The following AUTS2 variants were observed in gnomAD, a reference collection of about 807,000 sequenced individuals.
AUTS2 encodes the protein activator of transcription and developmental regulator AUTS2.
In AUTS2, 17 loss-of-function variants were observed where a neutral mutation model predicts 112.4. The ratio of observed to expected loss-of-function variants is 0.15; its 90% CI spans 0.10 to 0.23. The LOEUF is 0.23. Ranked by LOEUF, AUTS2 falls within the 10% of genes least tolerant of loss-of-function variation. The pLI, the probability that AUTS2 is intolerant of heterozygous loss-of-function variation, is 1.00. For missense variants in AUTS2, 1,510 were observed against 1,701.6 expected (o/e 0.89, Z 1.98); for synonymous variants, 751 against 702.7 (o/e 1.07, Z -1.09).
chr7:70,215,926 A>G (rs190024018), intron 4 of AUTS2, among the ~76,000 whole-genome samples: 32 of 152,326 alleles, frequency 2.1e-4, no homozygotes, highest in African/African-American at 7.7e-4. Context: ...GACTTTCTCT[A>G]ATCTTTGTTT....
intron 1 of AUTS2, among the ~76,000 whole-genome samples, chr7:69,657,529 TGGAGAATGGATTTTGCC>T (rs1297330763): frequency 6.6e-6 from 1 of 152,136 alleles, no homozygotes; most frequent in Non-Finnish European, 1.5e-5. Flanking sequence ...GGCAGATCAG[TGGAGAATGGATTTTGCC>T]GGAGGTCCTG....
chr7:70,741,395 G>C (rs1273208722), intron 6 of AUTS2, among the ~76,000 whole-genome samples: 1 of 151,918 alleles, frequency 6.6e-6, no homozygotes, highest in Non-Finnish European at 1.5e-5. Context: ...ATGCTAAATG[G>C]TTAAGAAATA....
At chr7:70,141,243 G>A (rs1218827336) in intron 4 of AUTS2, among the ~76,000 whole-genome samples, 2 of 152,286 alleles carry the variant, frequency 1.3e-5, no homozygotes, top group African/African-American at 4.8e-5. Flanking sequence ...GTCAGGGAAT[G>A]TTGGTTGATT....
rs535476812 is a variant in AUTS2 at position 70,287,655 on chromosome 7, G to A, written c.661-148097G>A. Among the ~76,000 whole-genome samples the A allele has an allele frequency of 2.1e-4, 32 of 152,138 alleles. No homozygotes were observed. In the South Asian group the frequency reaches 6.2e-3, roughly 30 times the overall value. On this transcript the variant is annotated intron_variant, in intron 4 of 18. Transcript: ENST00000342771. ...CCTACAAGAGGTAGGGAGAAGGAAAGTAATATTTATCTTTAATGTTATTTT... is the reference window on the plus strand; with the variant it reads ...CCTACAAGAGGTAGGGAGAAGGAAAATAATATTTATCTTTAATGTTATTTT...
intron 12 of AUTS2, 118 bp downstream of exon 12, chr7:70,774,217 GTTC>G (rs1470946228): frequency 2.7e-5 from 25 of 911,856 alleles, no homozygotes; most frequent in East Asian, 5.1e-5. Flanking sequence ...TGTTTCAGCT[GTTC>G]TTCTAGTTTG....
intron 2 of AUTS2, among the ~76,000 whole-genome samples, chr7:69,948,203 C>T (rs1277230919): frequency 6.6e-6 from 1 of 152,162 alleles, no homozygotes; most frequent in Non-Finnish European, 1.5e-5. Flanking sequence ...AGTGGATAAG[C>T]AAGTGGAGTG....
intron 4 of AUTS2, among the ~76,000 whole-genome samples, chr7:70,284,074 T>C (rs1788347178): frequency 6.6e-6 from 1 of 152,222 alleles, no homozygotes; most frequent in Non-Finnish European, 1.5e-5. Context: ...TAAAATTTAC[T>C]ATATGATCAT....
chr7:70,015,691 A>G (rs1799995692), intron 2 of AUTS2, among the ~76,000 whole-genome samples: 1 of 152,230 alleles, frequency 6.6e-6, no homozygotes, highest in Non-Finnish European at 1.5e-5. Context: ...TCATTCTTGA[A>G]TGAATTATCT....
At chr7:70,107,405 G>T (rs115038929) in intron 2 of AUTS2, among the ~76,000 whole-genome samples, 36 of 140,826 alleles carry the variant, frequency 2.6e-4, no homozygotes, top group African/African-American at 9.3e-4. Flanking sequence ...GTTCAGTAGC[G>T]TGATCTCGGT....
chr7:70,756,117 T>C (rs1290746517), intron 6 of AUTS2, among the ~76,000 whole-genome samples: 1 of 152,230 alleles, frequency 6.6e-6, no homozygotes, highest in Non-Finnish European at 1.5e-5. Context: ...CTCTTTTCTG[T>C]GCATACTTGT....
chr7:70,346,480 A>G (rs939837719), intron 4 of AUTS2, among the ~76,000 whole-genome samples: 19 of 152,142 alleles, frequency 1.2e-4, no homozygotes, highest in African/African-American at 3.6e-4. Context: ...CATTGTGGCT[A>G]GTTTCTCATT....
intron 5 of AUTS2, among the ~76,000 whole-genome samples, chr7:70,598,232 T>G (rs190488336): frequency 5.9e-5 from 9 of 152,302 alleles, no homozygotes; most frequent in Admixed American, 5.2e-4. Context: ...TAGTCCTGTT[T>G]TGTCATTGCT....
At chr7:70,301,419 A>T (rs1248401030) in intron 4 of AUTS2, among the ~76,000 whole-genome samples, 1 of 152,118 alleles carries the variant, frequency 6.6e-6, no homozygotes, top group African/African-American at 2.4e-5. Flanking sequence ...GTATGTGTGG[A>T]TCTTTTTTAT....
intron 4 of AUTS2, among the ~76,000 whole-genome samples, chr7:70,156,581 A>G (rs142765537): frequency 6.6e-6 from 1 of 152,230 alleles, no homozygotes; most frequent in East Asian, 1.9e-4. Flanking sequence ...TGACAGTTCC[A>G]TAACCTATCC....
chr7:70,124,887 C>T lies in AUTS2; in HGVS notation c.624+6654C>T, dbSNP rs1805881920. 2.6e-5 allele frequency among the ~76,000 whole-genome samples: 4 copies of T among 152,164 alleles called. No individual in the cohort carries two copies. In the South Asian group the frequency reaches 8.3e-4, roughly 32 times the overall value. ...AGCTTCAGTCTTCTTTAATGCCTAT[C>T]AGAGAGTGAAAAGGTAGAGTCAAAG... On this transcript the variant is annotated intron_variant, in intron 3 of 18. Transcript: ENST00000342771.
intron 2 of AUTS2, among the ~76,000 whole-genome samples, chr7:70,021,368 C>T (rs991532557): frequency 5.9e-5 from 9 of 152,180 alleles, no homozygotes; most frequent in East Asian, 1.9e-4. Flanking sequence ...ATTAGTCTGC[C>T]GGTAATCCTG....
intron 4 of AUTS2, among the ~76,000 whole-genome samples, chr7:70,345,041 T>C (rs1173283427): frequency 1.3e-5 from 2 of 152,218 alleles, no homozygotes. Context: ...AAGCCCTCTG[T>C]ATAATAAGCT....
chr7:69,850,795 C>G (rs1792443840), intron 1 of AUTS2, among the ~76,000 whole-genome samples: 1 of 152,124 alleles, frequency 6.6e-6, no homozygotes, highest in Non-Finnish European at 1.5e-5. Context: ...CAGTCTGGAG[C>G]TTGGCTTTTC....
At chr7:69,624,113 C>T (rs2129094744) in intron 1 of AUTS2, among the ~76,000 whole-genome samples, 1 of 152,258 alleles carries the variant, frequency 6.6e-6, no homozygotes, top group East Asian at 1.9e-4. Context: ...CAGTGACTGT[C>T]TATTAATGCT....
Sources: gnomAD v4.1 joint callset for allele counts (sites outside exome capture counted in the v4.1 genomes callset) on GRCh38, gnomAD v4.1.1 for gene constraint, MANE v1.5 for transcripts, NCBI Gene and HGNC (gene_info 2026-07-23, HGNC 2026-07-21) for gene names.